The following OOSP3 variants were observed in gnomAD, a reference collection of about 807,000 sequenced individuals.
The protein encoded by OOSP3 is oocyte secreted protein family member 3.
At chr11:59,882,226 G>A (rs1331004415) in intron 2 of OOSP3, among the ~76,000 whole-genome samples, 1 of 151,942 alleles carries the variant, frequency 6.6e-6, no homozygotes, top group Non-Finnish European at 1.5e-5. Flanking sequence ...AAACTATGAC[G>A]TAGAATAACC....
chr11:59,890,258 G>T (rs1399229894), intron 2 of OOSP3, among the ~76,000 whole-genome samples: 1 of 151,898 alleles, frequency 6.6e-6, no homozygotes, highest in East Asian at 1.9e-4. Flanking sequence ...TTTTAATTGG[G>T]GCATTTAGCA....
chr11:59,892,845 G>A (rs1385976501), intron 2 of OOSP3, among the ~76,000 whole-genome samples: 1 of 152,162 alleles, frequency 6.6e-6, no homozygotes, highest in Non-Finnish European at 1.5e-5. Flanking sequence ...AGTTAAAAAT[G>A]CCAAAAAGCT....
intron 2 of OOSP3, among the ~76,000 whole-genome samples, chr11:59,887,790 G>A (rs763117408): frequency 3.4e-4 from 51 of 152,040 alleles, no homozygotes; most frequent in Non-Finnish European, 6.0e-4. Flanking sequence ...GCTCTTTTTC[G>A]GTTCCATATG....
At chr11:59,885,861 CT>C (rs1198688485) in intron 2 of OOSP3, among the ~76,000 whole-genome samples, 1 of 151,744 alleles carries the variant, frequency 6.6e-6, no homozygotes, top group Non-Finnish European at 1.5e-5. Flanking sequence ...TCTTCTATTT[CT>C]TTTTTTAAAA....
intron 2 of OOSP3, among the ~76,000 whole-genome samples, chr11:59,885,625 C>T (rs932023457): frequency 6.6e-6 from 1 of 152,200 alleles, no homozygotes; most frequent in Non-Finnish European, 1.5e-5. Context: ...CCAACTCCAT[C>T]CATGTCCCAG....
chr11:59,896,347 G>T lies in OOSP3; in HGVS notation c.*134G>T, dbSNP rs1009380011. 5 of 393,610 alleles carry T rather than the reference G, an allele frequency of 1.3e-5. No individual in the cohort carries two copies. In the Middle Eastern group the frequency reaches 1.9e-3, roughly 150 times the overall value. The allele number at this position is 393,610 out of a possible 1,614,324, so 24.4% of individuals were successfully genotyped here. Reference sequence around the variant, plus strand: ...ACATTGGGTTGGGATAGAGCCCAGTGCTTCATATGTTTTTAAAAAGTGCTC... The same window carrying T: ...ACATTGGGTTGGGATAGAGCCCAGTTCTTCATATGTTTTTAAAAAGTGCTC... On this transcript the variant is annotated 3_prime_UTR_variant, in exon 5 of 5. Transcript: ENST00000646438.
rs148203220 is a variant in OOSP3 at position 59,892,354 on chromosome 11, G to A, written c.253-1725G>A. On this transcript the variant is annotated intron_variant, in intron 2 of 4. Transcript: ENST00000646438. ...TTGCTCTCTGTGGATTGTACCAACCGCCTAGTCAGTCCCAATAAGAGAATC... is the reference window on the plus strand; with the variant it reads ...TTGCTCTCTGTGGATTGTACCAACCACCTAGTCAGTCCCAATAAGAGAATC... Among the ~76,000 whole-genome samples the A allele has an allele frequency of 1.3e-3, 194 of 151,984 alleles. 1 individual carries two copies. The highest frequency in any genetic ancestry group is 4.2e-3 in the African/African-American group (175 of 41,474).
At chr11:59,882,879 A>G (rs1853217198) in intron 2 of OOSP3, among the ~76,000 whole-genome samples, 2 of 152,334 alleles carry the variant, frequency 1.3e-5, no homozygotes, top group African/African-American at 2.4e-5. Flanking sequence ...TATAAATTCA[A>G]TCATACAATA....
chr11:59,880,263 T>C (rs990142179), exon 2 of OOSP3: 3 of 398,432 alleles, frequency 7.5e-6, no homozygotes, highest in African/African-American at 2.1e-5. Context: ...TTCAACAGTG[T>C]CAGTAGGATG....
chr11:59,891,186 A>C (rs979169195), intron 2 of OOSP3, among the ~76,000 whole-genome samples: 4 of 152,138 alleles, frequency 2.6e-5, no homozygotes, highest in African/African-American at 9.7e-5. Context: ...ATCTTTTATC[A>C]TGATTCTTGG....
chr11:59,892,805 TAC>T (rs1853324530), intron 2 of OOSP3, among the ~76,000 whole-genome samples: 1 of 152,150 alleles, frequency 6.6e-6, no homozygotes. Flanking sequence ...AGATACTGTG[TAC>T]TGGGAAGAGG....
intron 2 of OOSP3, among the ~76,000 whole-genome samples, chr11:59,892,031 A>G (rs995108298): frequency 6.6e-5 from 10 of 152,138 alleles, no homozygotes; most frequent in Admixed American, 3.9e-4. Flanking sequence ...CTCTTGCCTC[A>G]CTGGAGTTCC....
intron 2 of OOSP3, among the ~76,000 whole-genome samples, chr11:59,882,266 T>A (rs1344370643): frequency 3.1e-5 from 2 of 65,552 alleles, no homozygotes; most frequent in African/African-American, 1.8e-4. Flanking sequence ...TTTTGAAGAT[T>A]TTTTTTTTTC....
intron 2 of OOSP3, among the ~76,000 whole-genome samples, chr11:59,886,320 G>A (rs1381951462): frequency 1.3e-5 from 2 of 152,190 alleles, no homozygotes; most frequent in Non-Finnish European, 2.9e-5. Flanking sequence ...TTGATTCCAT[G>A]TCTTTGCTAT....
chr11:59,889,640 A>C (rs1256183769), intron 2 of OOSP3, among the ~76,000 whole-genome samples: 2 of 152,108 alleles, frequency 1.3e-5, no homozygotes, highest in Admixed American at 1.3e-4. Context: ...TTCTAATTTG[A>C]TTATGCTGTG....
intron 2 of OOSP3, among the ~76,000 whole-genome samples, chr11:59,885,723 A>G (rs1853250056): frequency 6.6e-6 from 1 of 151,998 alleles, no homozygotes; most frequent in African/African-American, 2.4e-5. Context: ...TCTATCATTG[A>G]TGGGCATTTG....
exon 5 of OOSP3, chr11:59,896,340 G>A: frequency 2.5e-6 from 1 of 394,396 alleles, no homozygotes; most frequent in Non-Finnish European, 4.5e-6. Context: ...TTGGGATAGA[G>A]CCCAGTGCTT....
intron 2 of OOSP3, among the ~76,000 whole-genome samples, chr11:59,888,875 C>A (rs983063281): frequency 6.6e-6 from 1 of 152,144 alleles, no homozygotes; most frequent in African/African-American, 2.4e-5. Context: ...AGGAATGGTA[C>A]CAGCTCCTCT....
At chr11:59,878,992 A>G (rs1395242360) in intron 1 of OOSP3, 111 bp downstream of exon 1, 3 of 396,678 alleles carry the variant, frequency 7.6e-6, no homozygotes, top group Non-Finnish European at 1.3e-5. Context: ...TAGTTTTCTG[A>G]CTTCTGTAGT....
Sources: allele counts gnomAD v4.1 joint callset (sites outside exome capture counted in the v4.1 genomes callset), GRCh38; gene constraint gnomAD v4.1.1; transcripts MANE v1.5; gene names NCBI Gene and HGNC (gene_info 2026-07-23, HGNC 2026-07-21).